The following CLEC16A variants were observed in gnomAD, a reference collection of about 807,000 sequenced individuals.
CLEC16A encodes C-type lectin domain containing 16A, also known as protein CLEC16A.
A neutral mutation model predicts 109.5 loss-of-function variants in CLEC16A; 51 were observed. The observed-to-expected ratio is 0.47, with a 90% CI of 0.37 to 0.59. The LOEUF (loss-of-function observed/expected upper bound fraction) is 0.59, where lower values mean the gene tolerates loss of function less well. Among genes scored for constraint, CLEC16A ranks in the 20% least tolerant of loss-of-function variants. The probability of loss-of-function intolerance (pLI) is 0.00; values close to 1 mark genes in which losing one functional copy is unlikely to be tolerated. For missense variants in CLEC16A, 1,339 were observed against 1,394.0 expected, an observed-to-expected ratio of 0.96 and a Z score of 0.63; for synonymous variants, 673 against 564.2, an observed-to-expected ratio of 1.19 and a Z score of -2.73.
intron 12 of CLEC16A, among the ~76,000 whole-genome samples, chr16:11,020,612 G>A (rs1335572363): frequency 1.3e-5 from 2 of 152,202 alleles, no homozygotes; most frequent in Non-Finnish European, 2.9e-5. Context: ...AAAGGACATG[G>A]GTTGCTTCAC....
At chr16:11,107,836 G>C (rs2051316019) in intron 19 of CLEC16A, among the ~76,000 whole-genome samples, 1 of 152,220 alleles carries the variant, frequency 6.6e-6, no homozygotes, top group Non-Finnish European at 1.5e-5. Flanking sequence ...AGTGGATTCT[G>C]ACAGGGTGGT....
intron 10 of CLEC16A, among the ~76,000 whole-genome samples, chr16:10,998,279 T>C (rs993966606): frequency 3.3e-5 from 5 of 152,184 alleles, no homozygotes; most frequent in African/African-American, 1.2e-4. Context: ...TGCTGACTGT[T>C]AGCTGGCCCT....
intron 22 of CLEC16A, among the ~76,000 whole-genome samples, chr16:11,128,515 TC>T (rs2052984772): frequency 6.6e-6 from 1 of 152,212 alleles, no homozygotes; most frequent in Non-Finnish European, 1.5e-5. Flanking sequence ...CTTGGCTGTG[TC>T]TCCCCTGACT....
rs1028073321 is a variant in CLEC16A at position 11,025,034 on chromosome 16, T to C, written c.1537+113T>C. The C allele has an allele frequency of 9.9e-6, 8 of 808,030 alleles. No individual in the cohort carries two copies. In the African/African-American group the frequency reaches 1.2e-4, roughly 12 times the overall value. 50.1% of individuals were successfully genotyped at this position (808,030 alleles called of 1,614,324 possible). A position where few individuals can be genotyped will look rare whatever the true frequency, so the allele number is the denominator to read the frequency against. On this transcript the variant is annotated intron_variant, in intron 13 of 23. Transcript: ENST00000409790. ...GGTGCTTTCTGTACAGAATTTCCTTTCTGGTTTTGGTGGTCCTTTTTGGTT... is the reference window on the plus strand; with the variant it reads ...GGTGCTTTCTGTACAGAATTTCCTTCCTGGTTTTGGTGGTCCTTTTTGGTT...
chr16:10,956,419 C>G (rs1479278669), intron 1 of CLEC16A, among the ~76,000 whole-genome samples: 1 of 152,158 alleles, frequency 6.6e-6, no homozygotes, highest in African/African-American at 2.4e-5. Context: ...CTTCCTTGCT[C>G]TCACCAGACC....
chr16:11,074,768 A>C (rs1032995814), intron 19 of CLEC16A, among the ~76,000 whole-genome samples: 6 of 152,222 alleles, frequency 3.9e-5, no homozygotes, highest in Non-Finnish European at 8.8e-5. Context: ...CACACACACA[A>C]ATTATTCTTT....
At chr16:11,115,870 T>C (rs1389775350) in intron 19 of CLEC16A, among the ~76,000 whole-genome samples, 1 of 151,364 alleles carries the variant, frequency 6.6e-6, no homozygotes, top group Non-Finnish European at 1.5e-5. Context: ...TTTCATAATA[T>C]ATTAAAACAT....
intron 22 of CLEC16A, among the ~76,000 whole-genome samples, chr16:11,160,597 G>A (rs2054689028): frequency 6.6e-6 from 1 of 151,916 alleles, no homozygotes; most frequent in Non-Finnish European, 1.5e-5. Flanking sequence ...AACTCTGGGA[G>A]CCAGCCCGTC....
chr16:11,090,808 C>G (rs1253785288), intron 19 of CLEC16A, among the ~76,000 whole-genome samples: 5 of 132,852 alleles, frequency 3.8e-5, no homozygotes, highest in African/African-American at 5.9e-5. Flanking sequence ...CCATACCCAG[C>G]TAATTTTTTT....
intron 11 of CLEC16A, among the ~76,000 whole-genome samples, chr16:11,018,748 CAAAAAAAA>C (rs56911220): frequency 1.0e-5 from 1 of 96,280 alleles, no homozygotes; most frequent in Non-Finnish European, 2.0e-5. Context: ...GACTCCATCT[CAAAAAAAA>C]AAAAAAAAAT....
At chr16:11,117,021 G>A (rs7186145) in intron 19 of CLEC16A, among the ~76,000 whole-genome samples, 63,086 of 152,066 alleles carry the variant, frequency 0.41, 13,144 homozygotes, top group Middle Eastern at 0.45. Context: ...GAACTAAGTC[G>A]TGTCCTTTGA....
intron 19 of CLEC16A, among the ~76,000 whole-genome samples, chr16:11,100,334 T>G (rs565781637): frequency 6.6e-6 from 1 of 152,318 alleles, no homozygotes; most frequent in African/African-American, 2.4e-5. Context: ...CTGGTGGATT[T>G]CCTCTGCCAA....
At chr16:11,136,146 C>T (rs752096200) in intron 22 of CLEC16A, 4 of 152,260 alleles carry the variant, frequency 2.6e-5, no homozygotes, top group African/African-American at 9.6e-5. Context: ...GCCCAAGTCC[C>T]AGCCTTCCAC....
At chr16:11,026,576 T>A (rs908156466) in intron 13 of CLEC16A, among the ~76,000 whole-genome samples, 1 of 152,046 alleles carries the variant, frequency 6.6e-6, no homozygotes, top group Non-Finnish European at 1.5e-5. Context: ...GGATTATTAA[T>A]TTTATTGCTA....
chr16:11,060,885 C>A lies in CLEC16A; in HGVS notation c.1996-17C>A. The A allele has an allele frequency of 1.3e-6, 2 of 1,599,304 alleles. No individual in the cohort carries two copies. The highest frequency in any genetic ancestry group is 1.7e-6 in the Non-Finnish European group (2 of 1,171,966). On this transcript the variant is annotated splice_polypyrimidine_tract_variant and intron_variant, in intron 18 of 23. Coordinates refer to ENST00000409790, the MANE Select transcript of CLEC16A (RefSeq NM_015226.3). Reference sequence around the variant, plus strand: ...CTGCAATCTCACTCTTCTCTGCTCTCTGAACTGTTGGTCCAGGCCATCCGG... The same window carrying A: ...CTGCAATCTCACTCTTCTCTGCTCTATGAACTGTTGGTCCAGGCCATCCGG...
chr16:11,122,434 A>G (rs1022487413), intron 20 of CLEC16A, among the ~76,000 whole-genome samples: 1 of 152,210 alleles, frequency 6.6e-6, no homozygotes, highest in Non-Finnish European at 1.5e-5. Flanking sequence ...TCTCCCCTGA[A>G]GAATTAATAT....
chr16:10,993,881 C>T (rs1235119766), intron 10 of CLEC16A, among the ~76,000 whole-genome samples: 2 of 152,160 alleles, frequency 1.3e-5, no homozygotes, highest in Non-Finnish European at 2.9e-5. Flanking sequence ...TGCTGCTTGG[C>T]ATTGAGAGGG....
chr16:10,987,417 TAGG>T (rs1329274133), intron 10 of CLEC16A, among the ~76,000 whole-genome samples: 1 of 152,198 alleles, frequency 6.6e-6, no homozygotes, highest in Admixed American at 6.5e-5. Flanking sequence ...GGGAAGTGTT[TAGG>T]AGATCTGTCC....
intron 11 of CLEC16A, among the ~76,000 whole-genome samples, 181 bp from the exon 12 acceptor site, chr16:11,020,012 G>C (rs901577024): frequency 5.3e-5 from 8 of 152,236 alleles, no homozygotes; most frequent in Non-Finnish European, 8.8e-5. Flanking sequence ...GGAAAGAGAG[G>C]CTCTGGCCTC....
Sources: gnomAD v4.1 joint callset for allele counts (sites outside exome capture counted in the v4.1 genomes callset) on GRCh38, gnomAD v4.1.1 for gene constraint, MANE v1.5 for transcripts, NCBI Gene and HGNC (gene_info 2026-07-23, HGNC 2026-07-21) for gene names.